The following LARP1B variants were observed in gnomAD, a reference collection of about 807,000 sequenced individuals.
The protein encoded by LARP1B is la-related protein 1B.
Under a neutral mutation model 114.2 loss-of-function variants are expected in LARP1B, and 76 were observed. That is an observed-to-expected ratio of 0.67 (90% confidence interval 0.55 to 0.81). LARP1B has a LOEUF of 0.81. Ranked by LOEUF, LARP1B falls within the 30% of genes least tolerant of loss-of-function variation. LARP1B has a pLI of 0.00. For missense variants in LARP1B, 1,014 were observed against 1,075.8 expected (o/e 0.94, Z 0.80); for synonymous variants, 345 against 348.0 (o/e 0.99, Z 0.10).
At position 128,077,340 on chromosome 4, in the gene LARP1B, A is replaced by C. The variant is rs569207731; in HGVS notation, c.43-448A>C. Among the ~76,000 whole-genome samples, 3 of 152,088 alleles carry C rather than the reference A, an allele frequency of 2.0e-5. No homozygotes were observed. In the South Asian group the frequency reaches 6.2e-4, roughly 32 times the overall value. The stretch of plus-strand genomic sequence containing the variant: ...TGGCGAAACCCCCTCTCTACTTAAA[A>C]AAAAAAAAGAGTTAGCCAGGTGTGG... On this transcript the variant is annotated intron_variant, in intron 3 of 19. Coordinates refer to ENST00000326639, the MANE Select transcript of LARP1B (RefSeq NM_018078.4).
intron 5 of LARP1B, among the ~76,000 whole-genome samples, chr4:128,090,687 T>G (rs144200884): frequency 2.0e-3 from 304 of 152,382 alleles, no homozygotes; most frequent in African/African-American, 7.0e-3. Context: ...TAGTACAAAC[T>G]TAGTAGTCTT....
intron 15 of LARP1B, among the ~76,000 whole-genome samples, chr4:128,189,435 C>A (rs1268437601): frequency 7.1e-6 from 1 of 141,220 alleles, no homozygotes; most frequent in African/African-American, 2.6e-5. Flanking sequence ...TTCTTGTAGG[C>A]AATATATAGT....
At chr4:128,172,270 G>T (rs914493418) in intron 12 of LARP1B, among the ~76,000 whole-genome samples, 4 of 151,590 alleles carry the variant, frequency 2.6e-5, no homozygotes, top group Non-Finnish European at 4.4e-5. Flanking sequence ...CCTTAATTAC[G>T]ATTGCTTTGG....
chr4:128,201,531 T>TA (rs201940206), intron 17 of LARP1B, among the ~76,000 whole-genome samples: 3,960 of 152,338 alleles, frequency 0.026, 161 homozygotes, highest in African/African-American at 0.091. Flanking sequence ...AGTCCTGTAG[T>TA]ACTCTGGGCA....
At chr4:128,190,359 T>G (rs2150781041) in intron 15 of LARP1B, among the ~76,000 whole-genome samples, 1 of 152,348 alleles carries the variant, frequency 6.6e-6, no homozygotes, top group Admixed American at 6.5e-5. Flanking sequence ...CTTGCTGTTT[T>G]AAGGATCTTC....
At chr4:128,101,704 T>C (rs1284919191) in intron 8 of LARP1B, among the ~76,000 whole-genome samples, 1 of 152,080 alleles carries the variant, frequency 6.6e-6, no homozygotes, top group East Asian at 1.9e-4. Flanking sequence ...GGTCTCGAAC[T>C]CCTGGCCTCA....
chr4:128,206,399 A>G (rs1289991462), intron 17 of LARP1B, 29 bp from the exon 18 acceptor site: 2 of 1,357,098 alleles, frequency 1.5e-6, no homozygotes, highest in Non-Finnish European at 2.0e-6. Context: ...ATTGTATTTT[A>G]TTATAAACCT....
chr4:128,119,943 A>G (rs956072545), intron 10 of LARP1B, among the ~76,000 whole-genome samples: 1 of 152,236 alleles, frequency 6.6e-6, no homozygotes, highest in African/African-American at 2.4e-5. Flanking sequence ...TTACAAAAAC[A>G]AATTTAACAG....
chr4:128,130,653 T>C (rs1470189558), intron 11 of LARP1B, among the ~76,000 whole-genome samples: 2 of 152,234 alleles, frequency 1.3e-5, no homozygotes, highest in African/African-American at 2.4e-5. Flanking sequence ...TGAACTAAAC[T>C]AAACTCTTAC....
intron 11 of LARP1B, chr4:128,155,976 C>T: frequency 6.5e-7 from 1 of 1,533,084 alleles, no homozygotes; most frequent in Non-Finnish European, 8.9e-7. Flanking sequence ...CAGCCCCCTG[C>T]CGCCCTGTAC....
intron 5 of LARP1B, among the ~76,000 whole-genome samples, chr4:128,087,849 G>A (rs1011235103): frequency 6.0e-5 from 9 of 151,230 alleles, no homozygotes; most frequent in African/African-American, 1.7e-4. Flanking sequence ...TGTGTGGGGG[G>A]GAGCATATAT....
At chr4:128,142,435 A>G (rs966109133) in intron 11 of LARP1B, among the ~76,000 whole-genome samples, 1 of 152,166 alleles carries the variant, frequency 6.6e-6, no homozygotes, top group African/African-American at 2.4e-5. Flanking sequence ...AAACTGTGCC[A>G]TCAAAGTACA....
At chr4:128,143,950 C>T (rs1193852817) in intron 11 of LARP1B, among the ~76,000 whole-genome samples, 2 of 152,002 alleles carry the variant, frequency 1.3e-5, no homozygotes, top group South Asian at 2.1e-4. Context: ...CCTGAAAATA[C>T]GAGACTAGAT....
intron 10 of LARP1B, among the ~76,000 whole-genome samples, chr4:128,120,961 C>A (rs1186605217): frequency 6.6e-6 from 1 of 151,514 alleles, no homozygotes; most frequent in Admixed American, 6.6e-5. Flanking sequence ...CAGGTGCGTG[C>A]CACCACGCCT....
Position 128,122,252 on chromosome 4 carries a change from A to G in LARP1B, c.1524+64A>G, listed in dbSNP as rs781623359. The G allele has an allele frequency of 5.7e-6, 9 of 1,570,232 alleles. No individual in the cohort carries two copies. The South Asian group carries it at 8.4e-5, about 15-fold the overall frequency. On this transcript the variant is annotated intron_variant, in intron 11 of 19. Transcript: ENST00000326639. Reference sequence around the variant, plus strand: ...GTTTTGATTGTATGTTGCTGTTTATATTTTCTCAAACTTGAGGCTCTATTT... The same window carrying G: ...GTTTTGATTGTATGTTGCTGTTTATGTTTTCTCAAACTTGAGGCTCTATTT...
intron 11 of LARP1B, among the ~76,000 whole-genome samples, 187 bp from the exon 12 acceptor site, chr4:128,162,007 A>C (rs964071807): frequency 6.6e-6 from 1 of 152,100 alleles, no homozygotes; most frequent in African/African-American, 2.4e-5. Context: ...TTAGGGTGTT[A>C]TATGCCTCTT....
chr4:128,188,647 C>A (rs1751169697), intron 15 of LARP1B, among the ~76,000 whole-genome samples: 1 of 152,148 alleles, frequency 6.6e-6, no homozygotes, highest in African/African-American at 2.4e-5. Flanking sequence ...CTATAAAATT[C>A]TCTCTTAGTA....
At chr4:128,085,824 TC>T (rs1036007987) in intron 5 of LARP1B, among the ~76,000 whole-genome samples, 2 of 152,206 alleles carry the variant, frequency 1.3e-5, no homozygotes, top group Non-Finnish European at 2.9e-5. Flanking sequence ...TGTATGTATT[TC>T]TCAAATGCCT....
rs758215033 is a variant in LARP1B, at chr4:128,109,016, C to T, written c.988+1703C>T. On this transcript the variant is annotated intron_variant, in intron 9 of 19. Transcript: ENST00000326639. ...CATAAATTTTAGGTTATTTAGATTA[C>T]ATATCAGAAACTAGATGGTTAATGA... 1.6e-5 allele frequency: 3 copies of T among 184,666 alleles called. 1 individual carries two copies. The highest frequency in any genetic ancestry group is 7.1e-5 in the African/African-American group (3 of 41,970). 11.4% of individuals were successfully genotyped at this position (184,666 alleles called of 1,614,324 possible). A position where few individuals can be genotyped will look rare whatever the true frequency, so the allele number is the denominator to read the frequency against.
Sources: allele counts gnomAD v4.1 joint callset (sites outside exome capture counted in the v4.1 genomes callset), GRCh38; gene constraint gnomAD v4.1.1; transcripts MANE v1.5; gene names NCBI Gene and HGNC (gene_info 2026-07-23, HGNC 2026-07-21).